RIC1: variants seen among roughly 807,000 people sequenced by gnomAD.
The protein encoded by RIC1 is guanine nucleotide exchange factor subunit RIC1.
RIC1 carries 88 observed loss-of-function variants against 169.0 expected under a neutral mutation model. The observed-to-expected ratio is 0.52, with a 90% confidence interval of 0.44 to 0.62. RIC1 has a LOEUF of 0.62. RIC1 is among the 20% of genes least tolerant of loss of function. The probability of loss-of-function intolerance (pLI) is 0.00; values close to 1 mark genes in which losing one functional copy is unlikely to be tolerated. For synonymous variants in RIC1, 790 were observed against 601.5 expected (o/e 1.31, Z -4.59); for missense variants, 1,877 against 1,725.5 (o/e 1.09, Z -1.56).
chr9:5,708,242 A>G (rs66717124), intron 3 of RIC1, among the ~76,000 whole-genome samples: 3,146 of 152,200 alleles, frequency 0.021, 37 homozygotes, highest in Non-Finnish European at 0.025. Flanking sequence ...ACATTGTGTA[A>G]CTGTTAACAT....
intron 3 of RIC1, among the ~76,000 whole-genome samples, chr9:5,698,377 A>G (rs990755230): frequency 6.6e-6 from 1 of 152,200 alleles, no homozygotes; most frequent in African/African-American, 2.4e-5. Context: ...AAGTTTGACT[A>G]GTGGTTGACC....
intron 2 of RIC1, among the ~76,000 whole-genome samples, chr9:5,679,166 A>G (rs376311138): frequency 1.3e-5 from 2 of 152,074 alleles, no homozygotes; most frequent in South Asian, 2.1e-4. Context: ...GATATGTGGC[A>G]TTATTTCTGA....
chr9:5,718,143 A>AG (rs1563923361), intron 4 of RIC1, among the ~76,000 whole-genome samples: 7 of 148,108 alleles, frequency 4.7e-5, no homozygotes, highest in Non-Finnish European at 1.0e-4. Context: ...CCGTCTCAAA[A>AG]AAAAAAAAAA....
intron 1 of RIC1, among the ~76,000 whole-genome samples, chr9:5,652,292 A>G (rs1337503957): frequency 3.3e-5 from 5 of 152,196 alleles, no homozygotes. Context: ...TCTGTAGATC[A>G]CTTTGGGTCA....
intron 17 of RIC1, among the ~76,000 whole-genome samples, chr9:5,762,186 G>C (rs554747730): frequency 5.9e-5 from 9 of 152,260 alleles, no homozygotes; most frequent in Admixed American, 4.6e-4. Flanking sequence ...TTCCTCATCT[G>C]TCAGGTTCAC....
intron 1 of RIC1, 105 bp downstream of exon 1, chr9:5,629,558 C>T: frequency 8.1e-7 from 1 of 1,234,642 alleles, no homozygotes; most frequent in South Asian, 1.7e-5. Context: ...CCCTTCGTGC[C>T]AGACCCACCT....
chr9:5,771,589 G>T (rs1827225404), intron 23 of RIC1, among the ~76,000 whole-genome samples: 1 of 143,492 alleles, frequency 7.0e-6, no homozygotes, highest in Admixed American at 7.0e-5. Flanking sequence ...TTTTTTTTGA[G>T]GAATCGCCAT....
At chr9:5,723,671 C>T (rs1823760701) in intron 6 of RIC1, among the ~76,000 whole-genome samples, 1 of 152,132 alleles carries the variant, frequency 6.6e-6, no homozygotes, top group Non-Finnish European at 1.5e-5. Context: ...AGGTTTTCTT[C>T]TAGGGTTTTT....
At chr9:5,690,565 C>CT (rs5896126) in intron 3 of RIC1, among the ~76,000 whole-genome samples, 67,258 of 144,160 alleles carry the variant, frequency 0.47, 15,726 homozygotes, top group East Asian at 0.62. Context: ...AGCATTCCAT[C>CT]TTTTTTTTTT....
intron 17 of RIC1, 135 bp from the exon 18 acceptor site, chr9:5,762,406 C>A: frequency 9.4e-7 from 1 of 1,059,312 alleles, no homozygotes; most frequent in Non-Finnish European, 1.3e-6. Context: ...CAGAGCCTAG[C>A]AGAATGGCTG....
At chr9:5,697,456 G>A (rs560717762) in intron 3 of RIC1, among the ~76,000 whole-genome samples, 240 of 152,058 alleles carry the variant, frequency 1.6e-3, no homozygotes, top group Non-Finnish European at 2.6e-3. Flanking sequence ...TACTCTATTA[G>A]TAGAATAATA....
chr9:5,773,875 T>C (rs972317113), intron 25 of RIC1, 83 bp from the exon 26 acceptor site: 31 of 1,276,490 alleles, frequency 2.4e-5, no homozygotes, highest in East Asian at 4.7e-5. Flanking sequence ...ACCATATCAA[T>C]GTTCAGTAGA....
chr9:5,718,225 A>G (rs1348040464), intron 4 of RIC1, among the ~76,000 whole-genome samples: 1 of 147,054 alleles, frequency 6.8e-6, no homozygotes, highest in Non-Finnish European at 1.5e-5. Flanking sequence ...AATGTTTTCT[A>G]TACAAGGCTG....
At chr9:5,745,817 A>C (rs1363029327) in intron 10 of RIC1, 114 bp from the exon 11 acceptor site, 95 of 872,358 alleles carry the variant, frequency 1.1e-4, no homozygotes, top group Non-Finnish European at 1.4e-4. Flanking sequence ...AACCTTCACA[A>C]ATCATTAATA....
In RIC1 at chr9:5,756,307, C is replaced by A; in HGVS notation, c.1788C>A (p.Asp596Glu). ...AETLLLSVFQDMVIVFRADCS... is the reference protein window; with the variant it reads ...AETLLLSVFQEMVIVFRADCS... ...CATTACTGCTTAGTGTCTTCCAGGA[C>A]ATGGTAATAGTATTTAGAGCAGACT... The change falls in exon 16 of 26, where the codon GAC becomes GAA. Residue 596 changes from aspartate to glutamate, a missense_variant. Around this residue, in one of 3 missense-constraint regions of RIC1, gnomAD observed 1,104 missense variants for 992.0 expected, o/e 1.11. Coordinates refer to ENST00000414202, the MANE Select transcript of RIC1 (RefSeq NM_020829.4). The A allele has an allele frequency of 1.3e-6, 2 of 1,599,124 alleles. No homozygotes were observed. Among genetic ancestry groups the A allele is most frequent in the South Asian group, 1.1e-5 (1 of 88,532 alleles).
intron 2 of RIC1, among the ~76,000 whole-genome samples, chr9:5,658,848 C>CT (rs1243359004): frequency 7.3e-4 from 103 of 141,622 alleles, no homozygotes; most frequent in East Asian, 2.0e-3. Flanking sequence ...CCGAGACTGA[C>CT]TTTTTTTTTT....
intron 8 of RIC1, among the ~76,000 whole-genome samples, chr9:5,740,075 TTCA>T (rs770602886): frequency 3.9e-5 from 6 of 152,144 alleles, no homozygotes; most frequent in Non-Finnish European, 8.8e-5. Context: ...AATCCCTGAG[TTCA>T]TCATTTTCTT....
intron 12 of RIC1, among the ~76,000 whole-genome samples, chr9:5,749,991 C>G (rs1005583702): frequency 2.0e-5 from 3 of 151,806 alleles, no homozygotes; most frequent in African/African-American, 4.8e-5. Flanking sequence ...GTTGGCCAGG[C>G]TGGTCTCAAA....
Position 5,669,383 on chromosome 9 carries a change from G to A in RIC1, c.252+12693G>A, listed in dbSNP as rs749513633. ...CCAATTATGAGTGAGAACGTAGGATGTTTGGTTTTCCATTCCTGAATTACT... is the reference window on the plus strand; with the variant it reads ...CCAATTATGAGTGAGAACGTAGGATATTTGGTTTTCCATTCCTGAATTACT... On this transcript the variant is annotated intron_variant, in intron 2 of 25. Coordinates refer to ENST00000414202, the MANE Select transcript of RIC1 (RefSeq NM_020829.4). Among the ~76,000 whole-genome samples the A allele has an allele frequency of 4.2e-4, 64 of 152,178 alleles. 1 individual carries two copies. The highest frequency in any genetic ancestry group is 8.7e-4 in the Non-Finnish European group (59 of 68,038).
Sources: allele counts gnomAD v4.1 joint callset (sites outside exome capture counted in the v4.1 genomes callset), GRCh38; gene constraint gnomAD v4.1.1; regional missense constraint gnomAD v4.1.1; transcripts MANE v1.5; gene names NCBI Gene and HGNC (gene_info 2026-07-23, HGNC 2026-07-21).